The following RTF1 variants were observed in gnomAD, a reference collection of about 807,000 sequenced individuals.
RTF1 encodes RTF1 homolog, Paf1/RNA polymerase II complex component, also known as RNA polymerase-associated protein RTF1 homolog.
RTF1 carries 10 observed loss-of-function variants against 95.7 expected under a neutral mutation model. That is an observed-to-expected ratio of 0.10 (90% CI 0.06 to 0.18). The LOEUF is 0.18. RTF1 is among the 10% of genes least tolerant of loss of function. RTF1 has a pLI of 1.00. For missense variants in RTF1, 458 were observed against 875.6 expected, an observed-to-expected ratio of 0.52 and a Z score of 6.02; for synonymous variants, 305 against 311.8, an observed-to-expected ratio of 0.98 and a Z score of 0.23.
chr15:41,472,996 C>T (rs1034066692), intron 8 of RTF1, among the ~76,000 whole-genome samples: 7 of 151,976 alleles, frequency 4.6e-5, no homozygotes, highest in Non-Finnish European at 8.8e-5. Context: ...CCACCGCACC[C>T]GGCCTCACTT....
Position 41,480,333 on chromosome 15 carries a change from AGGGTGGGGC to A in RTF1, c.2026+15_2026+23del. 1 of 1,516,532 alleles carries A rather than the reference AGGGTGGGGC, an allele frequency of 6.6e-7. No individual in the cohort carries two copies. Among genetic ancestry groups the A allele is most frequent in the African/African-American group, 1.4e-5 (1 of 73,182 alleles). 93.9% of individuals were successfully genotyped at this position (1,516,532 alleles called of 1,614,324 possible). On this transcript the variant is annotated intron_variant, in intron 17 of 17. Transcript: ENST00000389629. The stretch of plus-strand genomic sequence containing the variant: ...TACAAGTTCCCAGCTCAGGTATGTG[AGGGTGGGGC>A]GGGTGGTGAGGGCTGAGAACCAGAT...
chr15:41,470,650 CTTTTT>C (rs58221683), intron 7 of RTF1, among the ~76,000 whole-genome samples: 13 of 75,434 alleles, frequency 1.7e-4, no homozygotes, highest in Admixed American at 3.2e-4. Context: ...CATTCATTTT[CTTTTT>C]TTTTTTTTTT....
chr15:41,471,165 C>T lies in RTF1; in HGVS notation c.1026-7C>T. On this transcript the variant is annotated splice_polypyrimidine_tract_variant and splice_region_variant and intron_variant, in intron 7 of 17. Coordinates refer to ENST00000389629, the MANE Select transcript of RTF1 (RefSeq NM_015138.5). ...CATTTTTTCCAGTGCCCCTTTGTTC[C>T]TCTTAGGAAAGAAGAGATCCCTCCC... The T allele has an allele frequency of 1.3e-6, 2 of 1,587,606 alleles. No homozygotes were observed. Among genetic ancestry groups the T allele is most frequent in the African/African-American group, 1.4e-5 (1 of 73,674 alleles).
At chr15:41,432,933 C>T (rs567349213) in intron 1 of RTF1, among the ~76,000 whole-genome samples, 14 of 150,194 alleles carry the variant, frequency 9.3e-5, no homozygotes, top group African/African-American at 2.5e-4. Flanking sequence ...AGTGAAACTC[C>T]GTCTCACAAA....
chr15:41,427,145 A>AT (rs1225127893), intron 1 of RTF1, among the ~76,000 whole-genome samples: 1,334 of 78,108 alleles, frequency 0.017, 28 homozygotes, highest in Non-Finnish European at 0.024. Context: ...TGGTCTACAA[A>AT]TTTTTTTTTT....
intron 1 of RTF1, among the ~76,000 whole-genome samples, chr15:41,427,792 T>C (rs532659261): frequency 7.2e-5 from 11 of 152,272 alleles, no homozygotes; most frequent in African/African-American, 2.4e-4. Flanking sequence ...TGTCAAGTTT[T>C]ATTTTTTTTT....
At chr15:41,457,635 A>G (rs377201364) in intron 3 of RTF1, 37 bp from the exon 4 acceptor site, 120 of 1,595,900 alleles carry the variant, frequency 7.5e-5, no homozygotes, top group Non-Finnish European at 1.0e-4. Flanking sequence ...TGTCTTCTGT[A>G]GCATAGTGTA....
rs2050573696 is a variant in RTF1 at position 41,417,128 on chromosome 15, C to G, written c.13C>G (p.Leu5Val). The G allele has an allele frequency of 1.6e-6, 2 of 1,250,992 alleles. No homozygotes were observed. Among genetic ancestry groups the G allele is most frequent in the Non-Finnish European group, 2.0e-6 (2 of 993,858 alleles). The allele number at this position is 1,250,992 out of a possible 1,614,324, so 77.5% of individuals were successfully genotyped here. A position where few individuals can be genotyped will look rare whatever the true frequency, so the allele number is the denominator to read the frequency against. The change falls in exon 1 of 18, where the codon CTT (leucine) becomes GTT (valine). Residue 5 changes from leucine to valine, a missense_variant. Coordinates refer to ENST00000389629, the MANE Select transcript of RTF1 (RefSeq NM_015138.5). Reference sequence around the variant, plus strand: ...GAGCGGAGCGCGCATGCGCGGTCGCCTTTGTGTGGGTCGAGCAGCGGCGGC... The same window carrying G: ...GAGCGGAGCGCGCATGCGCGGTCGCGTTTGTGTGGGTCGAGCAGCGGCGGC... MRGR[L>V]CVGRAAAAAA...
chr15:41,465,998 A>T, intron 5 of RTF1, 143 bp from the exon 6 acceptor site: 1 of 516,894 alleles, frequency 1.9e-6, no homozygotes, highest in East Asian at 3.3e-5. Context: ...CCACAAGAGG[A>T]TGCTCTCTCC....
chr15:41,434,963 T>C (rs1201901894), intron 1 of RTF1, among the ~76,000 whole-genome samples: 5 of 87,938 alleles, frequency 5.7e-5, no homozygotes, highest in African/African-American at 1.3e-4. Context: ...ACAGTAACTC[T>C]TTTTTTTTTT....
chr15:41,428,500 C>G (rs575119572), intron 1 of RTF1, among the ~76,000 whole-genome samples: 23 of 150,788 alleles, frequency 1.5e-4, no homozygotes, highest in African/African-American at 5.4e-4. Flanking sequence ...GATCTCCTGA[C>G]CTTGTGATCC....
chr15:41,442,146 C>A (rs1473875786), intron 2 of RTF1, among the ~76,000 whole-genome samples: 1 of 151,474 alleles, frequency 6.6e-6, no homozygotes, highest in Non-Finnish European at 1.5e-5. Flanking sequence ...GAGACAGTGG[C>A]TCTTTTTTTC....
At chr15:41,462,355 A>G (rs1262514251) in intron 4 of RTF1, among the ~76,000 whole-genome samples, 4 of 152,164 alleles carry the variant, frequency 2.6e-5, no homozygotes, top group Non-Finnish European at 5.9e-5. Context: ...GGCAGGAAGC[A>G]TAAAAGGTAG....
chr15:41,475,502 G>T, intron 9 of RTF1, 23 bp from the exon 10 acceptor site: 1 of 1,601,318 alleles, frequency 6.2e-7, no homozygotes, highest in African/African-American at 1.3e-5. Context: ...ATTTCTTGGA[G>T]ATGCTGTCTC....
chr15:41,427,215 G>A (rs1397766400), intron 1 of RTF1, among the ~76,000 whole-genome samples: 7 of 140,790 alleles, frequency 5.0e-5, no homozygotes, highest in Admixed American at 2.3e-4. Flanking sequence ...GCAGTGGTGC[G>A]ATCTCGGCTC....
intron 8 of RTF1, among the ~76,000 whole-genome samples, chr15:41,474,056 AAAG>A (rs1168597321): frequency 6.6e-6 from 1 of 151,778 alleles, no homozygotes; most frequent in African/African-American, 2.4e-5. Context: ...AAACAAAAAA[AAAG>A]AGAGACTGGG....
rs537384519 is a variant in RTF1, at chr15:41,425,350, C to T, written c.198+8037C>T. Among the ~76,000 whole-genome samples, 5 of 152,158 alleles carry T rather than the reference C, an allele frequency of 3.3e-5. No homozygotes were observed. In the South Asian group the frequency reaches 8.3e-4, roughly 25 times the overall value. On this transcript the variant is annotated intron_variant, in intron 1 of 17. Transcript: ENST00000389629. The stretch of plus-strand genomic sequence containing the variant: ...TGATCTCCTGACCTCATGATCTGCC[C>T]GCCTCGGCCTCCCAAAGTGTGCTGG...
intron 2 of RTF1, among the ~76,000 whole-genome samples, chr15:41,442,788 A>C (rs2050742338): frequency 6.6e-6 from 1 of 152,162 alleles, no homozygotes; most frequent in Non-Finnish European, 1.5e-5. Context: ...CGGGAGGCTA[A>C]GGTATGAAAA....
chr15:41,435,285 C>G (rs774345070), intron 1 of RTF1, among the ~76,000 whole-genome samples: 1 of 151,892 alleles, frequency 6.6e-6, no homozygotes, highest in African/African-American at 2.4e-5. Context: ...ATTTGTCAAA[C>G]TCATAGAACT....
Sources: allele counts gnomAD v4.1 joint callset (sites outside exome capture counted in the v4.1 genomes callset), GRCh38; gene constraint gnomAD v4.1.1; transcripts MANE v1.5; gene names NCBI Gene and HGNC (gene_info 2026-07-23, HGNC 2026-07-21).